The following ACTG2 variants were observed in gnomAD, a reference collection of about 807,000 sequenced individuals.
ACTG2 encodes the protein actin, gamma-enteric smooth muscle.
A neutral mutation model predicts 37.6 loss-of-function variants in ACTG2; 16 were observed. The observed-to-expected ratio is 0.43, with a 90% CI of 0.29 to 0.65. The LOEUF is 0.65. Ranked by LOEUF, ACTG2 falls within the 30% of genes least tolerant of loss-of-function variation. The pLI is 0.18. For synonymous variants in ACTG2, 181 were observed against 179.9 expected, an observed-to-expected ratio of 1.01 and a Z score of -0.05; for missense variants, 238 against 490.9, an observed-to-expected ratio of 0.48 and a Z score of 4.87.
chr2:73,911,312 T>G (rs533628164), intron 5 of ACTG2, among the ~76,000 whole-genome samples: 1 of 152,122 alleles, frequency 6.6e-6, no homozygotes, highest in East Asian at 1.9e-4. Flanking sequence ...CTGGGCAACA[T>G]GGCTACAACC....
chr2:73,915,150 G>C (rs1315198996), intron 7 of ACTG2, among the ~76,000 whole-genome samples: 12 of 152,144 alleles, frequency 7.9e-5, no homozygotes, highest in South Asian at 4.1e-4. Flanking sequence ...TTTGTAGGCA[G>C]CAATGTAGCA....
intron 6 of ACTG2, 46 bp from the exon 7 acceptor site, chr2:73,914,634 C>A: frequency 7.2e-7 from 1 of 1,382,472 alleles, no homozygotes; most frequent in Non-Finnish European, 9.6e-7. Flanking sequence ...GACAACCAAA[C>A]TATCAGAGCT....
Position 73,901,277 on chromosome 2 carries a change from T to G in ACTG2, c.-35T>G. The G allele has an allele frequency of 6.6e-7, 1 of 1,524,462 alleles. No homozygotes were observed. The highest frequency in any genetic ancestry group is 8.8e-7 in the Non-Finnish European group (1 of 1,130,148). The allele number at this position is 1,524,462 out of a possible 1,614,324, so 94.4% of individuals were successfully genotyped here. A position where few individuals can be genotyped will look rare whatever the true frequency, so the allele number is the denominator to read the frequency against. ...TTCTCTTCTCCCGCAAATCCCAAGG[T>G]GCTCCAGTCCCCAGCTCACTCAGCC... On this transcript the variant is annotated splice_region_variant and 5_prime_UTR_variant, in exon 2 of 9. Transcript: ENST00000345517.
At chr2:73,896,533 G>A (rs1366149083) in intron 1 of ACTG2, among the ~76,000 whole-genome samples, 1 of 152,064 alleles carries the variant, frequency 6.6e-6, no homozygotes, top group Non-Finnish European at 1.5e-5. Context: ...GGAAGGGACT[G>A]GGCTGTGGGA....
chr2:73,893,503 T>A (rs939336104), intron 1 of ACTG2, among the ~76,000 whole-genome samples: 4 of 152,198 alleles, frequency 2.6e-5, no homozygotes, highest in Non-Finnish European at 5.9e-5. Context: ...ATGAAATGTC[T>A]GTGCTGGGAA....
At chr2:73,912,933 C>T (rs1210355152) in intron 5 of ACTG2, among the ~76,000 whole-genome samples, 2 of 152,034 alleles carry the variant, frequency 1.3e-5, no homozygotes, top group Non-Finnish European at 1.5e-5. Context: ...TTTGGGAGGC[C>T]GAGGCAGGTG....
chr2:73,898,617 G>C lies in ACTG2; in HGVS notation c.-36-2659G>C, dbSNP rs375822859. On this transcript the variant is annotated intron_variant, in intron 1 of 8. Transcript: ENST00000345517. ...GTACAATTTAACACTCACAAGCAGTGAATGTGAAGCCAATTCTCCATACCT... is the reference window on the plus strand; with the variant it reads ...GTACAATTTAACACTCACAAGCAGTCAATGTGAAGCCAATTCTCCATACCT... Among the ~76,000 whole-genome samples the C allele has an allele frequency of 7.3e-5, 11 of 151,176 alleles. No individual in the cohort carries two copies. In the South Asian group the frequency reaches 1.5e-3, roughly 20 times the overall value.
rs1398364913 is a variant in ACTG2 at position 73,901,391 on chromosome 2, C to T, written c.80C>T (p.Ala27Val). Residue 27 changes from alanine to valine, a missense_variant, in exon 2 of 9, where the codon GCC (alanine) becomes GTC (valine). Coordinates refer to ENST00000345517, the MANE Select transcript of ACTG2 (RefSeq NM_001615.4). ...LCKAGFAGDD[A>V]PRAVFPSIVG... ...AAGGCAGGCTTCGCAGGAGATGATG[C>T]CCCCCGGGCTGTCTTCCCCTCCATT... 1 of 1,614,014 alleles carries T rather than the reference C, an allele frequency of 6.2e-7. No individual in the cohort carries two copies. Among genetic ancestry groups the T allele is most frequent in the African/African-American group, 1.3e-5 (1 of 75,042 alleles).
chr2:73,907,624 G>A (rs1180357481), intron 3 of ACTG2, among the ~76,000 whole-genome samples: 3 of 152,162 alleles, frequency 2.0e-5, no homozygotes, highest in Non-Finnish European at 4.4e-5. Flanking sequence ...TGAGATTACA[G>A]GCAGGCGCTA....
chr2:73,900,620 C>T (rs901401428), intron 1 of ACTG2, among the ~76,000 whole-genome samples: 1 of 152,136 alleles, frequency 6.6e-6, no homozygotes, highest in Non-Finnish European at 1.5e-5. Context: ...GTGCTTCTAC[C>T]CTTAGGAGTG....
intron 3 of ACTG2, 135 bp from the exon 4 acceptor site, chr2:73,908,538 G>T: frequency 1.3e-6 from 1 of 756,644 alleles, no homozygotes; most frequent in Non-Finnish European, 2.2e-6. Flanking sequence ...AAATTTCCAG[G>T]GCTGACCATT....
At chr2:73,894,334 T>C (rs890757532) in intron 1 of ACTG2, among the ~76,000 whole-genome samples, 6 of 152,162 alleles carry the variant, frequency 3.9e-5, no homozygotes, top group African/African-American at 1.4e-4. Context: ...TACTAACCCT[T>C]GGGCTGAAAA....
chr2:73,919,361 A>G, intron 8 of ACTG2, 71 bp from the exon 9 acceptor site: 1 of 1,536,314 alleles, frequency 6.5e-7, no homozygotes, highest in South Asian at 1.2e-5. Context: ...TTCTGGGATA[A>G]GTAGATTTTT....
chr2:73,905,767 ATCT>A (rs1245811961), intron 3 of ACTG2, among the ~76,000 whole-genome samples: 4 of 152,244 alleles, frequency 2.6e-5, no homozygotes, highest in Non-Finnish European at 4.4e-5. Context: ...CACTTTTAGA[ATCT>A]TCTTCTTTGG....
At position 73,919,519 on chromosome 2, in the gene ACTG2, A is replaced by G; in HGVS notation, c.1075A>G (p.Ser359Gly). 12 of 1,614,226 alleles carry G rather than the reference A, an allele frequency of 7.4e-6. No individual in the cohort carries two copies. The highest frequency in any genetic ancestry group is 1.0e-5 in the Non-Finnish European group (12 of 1,180,044). The change falls in exon 9 of 9, where the codon AGC (serine) becomes GGC (glycine). Residue 359 changes from serine to glycine, a missense_variant. Ser to Gly is a moderately conservative substitution (Grantham distance 56). Coordinates refer to ENST00000345517, the MANE Select transcript of ACTG2 (RefSeq NM_001615.4). ...SLSTFQQMWISKPEYDEAGPS... is the reference protein window; with the variant it reads ...SLSTFQQMWIGKPEYDEAGPS... Reference sequence around the variant, plus strand: ...CTCCACCTTCCAGCAGATGTGGATCAGCAAGCCTGAGTATGATGAGGCAGG... The same window carrying G: ...CTCCACCTTCCAGCAGATGTGGATCGGCAAGCCTGAGTATGATGAGGCAGG...
At chr2:73,905,876 A>T (rs536247665) in intron 3 of ACTG2, among the ~76,000 whole-genome samples, 3 of 152,226 alleles carry the variant, frequency 2.0e-5, no homozygotes, top group Admixed American at 1.3e-4. Flanking sequence ...CATGAATAGT[A>T]ATGTGATTAA....
chr2:73,894,933 G>A (rs1173910308), intron 1 of ACTG2, among the ~76,000 whole-genome samples: 1 of 152,204 alleles, frequency 6.6e-6, no homozygotes, highest in African/African-American at 2.4e-5. Flanking sequence ...ATCTGTTGAA[G>A]GGGCTGCTTT....
chr2:73,919,305 T>A (rs1680331511), intron 8 of ACTG2, 127 bp from the exon 9 acceptor site: 1 of 1,122,806 alleles, frequency 8.9e-7, no homozygotes, highest in Admixed American at 2.3e-5. Flanking sequence ...TAATCTAATC[T>A]ATCACAATGT....
In ACTG2 at chr2:73,914,660, G is replaced by C. The variant is rs1165462796; in HGVS notation, c.614-20G>C. 2 of 1,527,804 alleles carry C rather than the reference G, an allele frequency of 1.3e-6. No homozygotes were observed. Among genetic ancestry groups the C allele is most frequent in the African/African-American group, 1.4e-5 (1 of 72,058 alleles). 94.6% of individuals were successfully genotyped at this position (1,527,804 alleles called of 1,614,324 possible). A position where few individuals can be genotyped will look rare whatever the true frequency, so the allele number is the denominator to read the frequency against. On this transcript the variant is annotated intron_variant, in intron 6 of 8. Transcript: ENST00000345517. The stretch of plus-strand genomic sequence containing the variant: ...TATCAGAGCTCAGTATTCACCTTCT[G>C]TCATTTCTGCTCCTTCCAGCTGAGA...
Sources: gnomAD v4.1 joint callset for allele counts (sites outside exome capture counted in the v4.1 genomes callset) on GRCh38, gnomAD v4.1.1 for gene constraint, MANE v1.5 for transcripts, NCBI Gene and HGNC (gene_info 2026-07-23, HGNC 2026-07-21) for gene names.